SMC2: variants seen among roughly 807,000 people sequenced by gnomAD.
The protein encoded by SMC2 is structural maintenance of chromosomes 2.
Under a neutral mutation model 142.6 loss-of-function variants are expected in SMC2, and 41 were observed. That is an observed-to-expected ratio of 0.29 (90% CI 0.22 to 0.37). The LOEUF is 0.37. Among genes scored for constraint, SMC2 ranks in the 10% least tolerant of loss-of-function variants. SMC2 has a pLI of 1.00. For synonymous variants in SMC2, 463 were observed against 457.5 expected, an observed-to-expected ratio of 1.01 and a Z score of -0.15; for missense variants, 1,265 against 1,373.7, an observed-to-expected ratio of 0.92 and a Z score of 1.25.
rs1384857695 is a variant in SMC2 at position 104,129,848 on chromosome 9, A to G, written c.2991+3A>G. ...TATTGACAGAAGCTGAAGAGCGAGT[A>G]AGTCAATTTCTTATGAATATCTGGC... On this transcript the variant is annotated splice_donor_region_variant and intron_variant, in intron 21 of 24. Transcript: ENST00000374793. 1 of 1,609,858 alleles carries G rather than the reference A, an allele frequency of 6.2e-7. No homozygotes were observed. Among genetic ancestry groups the G allele is most frequent in the Non-Finnish European group, 8.5e-7 (1 of 1,176,732 alleles).
At chr9:104,133,042 A>G (rs2131549451) in intron 22 of SMC2, among the ~76,000 whole-genome samples, 1 of 152,250 alleles carries the variant, frequency 6.6e-6, no homozygotes, top group Admixed American at 6.6e-5. Context: ...CAAAGTAGGT[A>G]CTGTTATCAG....
At position 104,102,319 on chromosome 9, in the gene SMC2, A is replaced by T; in HGVS notation, c.871-105A>T. 2.6e-6 allele frequency: 3 copies of T among 1,161,134 alleles called. No individual in the cohort carries two copies. In the South Asian group the frequency reaches 4.8e-5, roughly 19 times the overall value. The allele number at this position is 1,161,134 out of a possible 1,614,324, so 71.9% of individuals were successfully genotyped here. A position where few individuals can be genotyped will look rare whatever the true frequency, so the allele number is the denominator to read the frequency against. On this transcript the variant is annotated intron_variant, in intron 8 of 24. Transcript: ENST00000374793. Reference sequence around the variant, plus strand: ...TGATTTGTTAATCTTATAGTAAGATAATGAAATAACTTATAAAAAAGTGTT... The same window carrying T: ...TGATTTGTTAATCTTATAGTAAGATTATGAAATAACTTATAAAAAAGTGTT...
chr9:104,116,147 C>T (rs530860674), intron 13 of SMC2, 53 bp from the exon 14 acceptor site: 2 of 1,520,964 alleles, frequency 1.3e-6, no homozygotes, highest in East Asian at 2.4e-5. Flanking sequence ...TGCATTCTCT[C>T]AATTTTCTGT....
chr9:104,089,706 G>A (rs1423556280), upstream of SMC2, among the ~76,000 whole-genome samples: 2 of 152,068 alleles, frequency 1.3e-5, no homozygotes, highest in African/African-American at 2.4e-5. Flanking sequence ...GTGCAGTGGC[G>A]CGATCTAGGC....
chr9:104,121,172 A>G (rs956546890), intron 16 of SMC2, among the ~76,000 whole-genome samples: 4 of 142,776 alleles, frequency 2.8e-5, no homozygotes, highest in Non-Finnish European at 5.9e-5. Context: ...ATAAGTTAAA[A>G]GAGCTACAAA....
intron 4 of SMC2, among the ~76,000 whole-genome samples, 186 bp downstream of exon 4, chr9:104,098,754 G>A (rs1288063697): frequency 6.6e-6 from 1 of 151,498 alleles, no homozygotes; most frequent in Non-Finnish European, 1.5e-5. Flanking sequence ...CTGGATTATA[G>A]ACCTTTGACT....
At chr9:104,115,937 G>T (rs1173601465) in intron 13 of SMC2, among the ~76,000 whole-genome samples, 1 of 151,456 alleles carries the variant, frequency 6.6e-6, no homozygotes, top group Non-Finnish European at 1.5e-5. Flanking sequence ...AAGATTCCAT[G>T]TACAAGTGAG....
At position 104,127,320 on chromosome 9, in the gene SMC2, A is replaced by G; in HGVS notation, c.2630A>G (p.Lys877Arg). 6.3e-7 allele frequency: 1 copy of G among 1,598,590 alleles called. No homozygotes were observed. Among genetic ancestry groups the G allele is most frequent in the South Asian group, 1.1e-5 (1 of 88,292 alleles). ...AATAAAGCTCAAGAAGAGGTGACCAAGCAAAAAGAGGTGATAACAGCCCAA... is the reference window on the plus strand; with the variant it reads ...AATAAAGCTCAAGAAGAGGTGACCAGGCAAAAAGAGGTGATAACAGCCCAA... Reference protein sequence around the residue: ...SVNKAQEEVTKQKEVITAQDT... With the variant: ...SVNKAQEEVTRQKEVITAQDT... Residue 877 changes from lysine to arginine, a missense_variant, in exon 20 of 25, where the codon AAG becomes AGG. Around this residue, in one of 4 missense-constraint regions of SMC2, gnomAD observed 898 missense variants for 904.2 expected, o/e 0.99. Coordinates refer to ENST00000374793, the MANE Select transcript of SMC2 (RefSeq NM_006444.3).
At chr9:104,125,218 G>A (rs1035791977) in intron 18 of SMC2, 113 bp downstream of exon 18, 2 of 759,000 alleles carry the variant, frequency 2.6e-6, no homozygotes, top group Admixed American at 2.9e-5. Context: ...GAATCTAAAA[G>A]GGAGCAGTGT....
intron 17 of SMC2, among the ~76,000 whole-genome samples, chr9:104,123,948 A>G (rs925630684): frequency 3.3e-5 from 5 of 152,172 alleles, no homozygotes; most frequent in Non-Finnish European, 7.4e-5. Context: ...GTGCTTCTCC[A>G]CTAATATTTT....
chr9:104,136,400 G>A (rs1329313647), intron 23 of SMC2, among the ~76,000 whole-genome samples: 1 of 151,962 alleles, frequency 6.6e-6, no homozygotes, highest in African/African-American at 2.4e-5. Context: ...ATAAAAATTG[G>A]ATTCCACAGT....
intron 7 of SMC2, among the ~76,000 whole-genome samples, chr9:104,100,730 G>C (rs540717357): frequency 1.3e-5 from 2 of 152,182 alleles, no homozygotes; most frequent in South Asian, 2.1e-4. Context: ...GCATTGACTG[G>C]AACAACATTT....
At chr9:104,113,668 G>A (rs1832748835) in intron 11 of SMC2, among the ~76,000 whole-genome samples, 193 bp downstream of exon 11, 1 of 152,100 alleles carries the variant, frequency 6.6e-6, no homozygotes, top group African/African-American at 2.4e-5. Flanking sequence ...TGAGAACTCA[G>A]TATTGAGAAT....
In SMC2 at chr9:104,129,791, AG is replaced by A; in HGVS notation, c.2939del (p.Gly980GlufsTer6). On this transcript the variant is annotated frameshift_variant, in exon 21 of 25. Transcript: ENST00000374793. LOFTEE classifies it high-confidence loss of function. ...QKLQEMKEKL[G>X]RNVNMRAMNV... ...AGTTGCAAGAAATGAAGGAGAAACT[AG>A]GAAGAAATGTCAATATGAGAGCTAT... is the stretch of plus-strand genomic sequence containing the variant. 6.2e-7 allele frequency: 1 copy of A among 1,614,010 alleles called. No homozygotes were observed. The highest frequency in any genetic ancestry group is 8.5e-7 in the Non-Finnish European group (1 of 1,179,946).
At chr9:104,119,628 A>G (rs1216936234) in intron 15 of SMC2, among the ~76,000 whole-genome samples, 1 of 152,168 alleles carries the variant, frequency 6.6e-6, no homozygotes, top group Non-Finnish European at 1.5e-5. Flanking sequence ...TGTCTTGAAC[A>G]TATTTTTCCC....
At position 104,111,814 on chromosome 9, in the gene SMC2, G is replaced by T; in HGVS notation, c.1254G>T (p.Gln418His). The change falls in exon 10 of 25, where the codon CAG (glutamine) becomes CAT (histidine). Residue 418 changes from glutamine to histidine, a missense_variant and splice_region_variant. Physicochemically the swap from Gln to His is conservative, Grantham distance 24. Around this residue, in one of 4 missense-constraint regions of SMC2, gnomAD observed 898 missense variants for 904.2 expected, o/e 0.99. Coordinates refer to ENST00000374793, the MANE Select transcript of SMC2 (RefSeq NM_006444.3). ...GTAAAGCTCAGACAGAAGCCAAACA[G>T]GTAAATAGAGACATTAGCACTATGT... ...DISKAQTEAK[Q>H]AQMKLKHAQQ... The T allele has an allele frequency of 1.2e-6, 2 of 1,604,374 alleles. No homozygotes were observed. The highest frequency in any genetic ancestry group is 1.1e-5 in the South Asian group (1 of 90,640).
rs1354695667 is a variant in SMC2 at position 104,140,944 on chromosome 9, C to T, written c.*1629C>T. ...GTTTGACTATTTTGGCTTACGTACT[C>T]ATTTCCTTTTCTCTGCTAAAAATGT... On this transcript the variant is annotated 3_prime_UTR_variant, in exon 25 of 25. Coordinates refer to ENST00000374793, the MANE Select transcript of SMC2 (RefSeq NM_006444.3). 6.6e-6 allele frequency: 1 copy of T among 152,178 alleles called. No individual in the cohort carries two copies. Among genetic ancestry groups the T allele is most frequent in the African/African-American group, 2.4e-5 (1 of 41,446 alleles). 9.4% of individuals were successfully genotyped at this position (152,178 alleles called of 1,614,324 possible).
In SMC2 at chr9:104,134,505, G is replaced by A; in HGVS notation, c.3199G>A (p.Gly1067Ser). The part of the protein sequence containing the change: ...APPEGQTVLD[G>S]LEFKVALGNT... ...ACCAGAGGGTCAAACTGTTTTGGATGGTCTGGAGTTCAAGGTTGCCTTGGG... is the reference window on the plus strand; with the variant it reads ...ACCAGAGGGTCAAACTGTTTTGGATAGTCTGGAGTTCAAGGTTGCCTTGGG... Residue 1067 changes from glycine (G) to serine (S), a missense_variant, in exon 23 of 25, where the codon GGT becomes AGT. Transcript: ENST00000374793. 7.4e-6 allele frequency: 12 copies of A among 1,612,438 alleles called. No homozygotes were observed. Among genetic ancestry groups the A allele is most frequent in the Non-Finnish European group, 1.0e-5 (12 of 1,178,942 alleles).
At position 104,113,505 on chromosome 9, in the gene SMC2, C is replaced by A. The variant is rs908016651; in HGVS notation, c.1414+30C>A. 5.3e-6 allele frequency: 8 copies of A among 1,521,956 alleles called. No individual in the cohort carries two copies. The East Asian group carries it at 1.6e-4, about 31-fold the overall frequency. 94.3% of individuals were successfully genotyped at this position (1,521,956 alleles called of 1,614,324 possible). A position where few individuals can be genotyped will look rare whatever the true frequency, so the allele number is the denominator to read the frequency against. ...GCCTTTAAAAACATGATAATCAGAT[C>A]ATGAGGAGGTAGTGATTTTTGATAA... On this transcript the variant is annotated intron_variant, in intron 11 of 24. Coordinates refer to ENST00000374793, the MANE Select transcript of SMC2 (RefSeq NM_006444.3).
Sources: gnomAD v4.1 joint callset for allele counts (sites outside exome capture counted in the v4.1 genomes callset) on GRCh38, gnomAD v4.1.1 for gene constraint, gnomAD v4.1.1 regional missense constraint, MANE v1.5 for transcripts, NCBI Gene and HGNC (gene_info 2026-07-23, HGNC 2026-07-21) for gene names.